Variants in DDX49 observed in about 807,000 individuals in gnomAD.
DDX49 encodes probable ATP-dependent RNA helicase DDX49.
A neutral mutation model predicts 56.3 loss-of-function variants in DDX49; 50 were observed. The observed-to-expected ratio is 0.89, with a 90% CI of 0.71 to 1.12. The LOEUF (loss-of-function observed/expected upper bound fraction) is 1.12, where lower values mean the gene tolerates loss of function less well. Among genes scored for constraint, DDX49 ranks in the 50% most tolerant of loss-of-function variants. DDX49 has a pLI of 0.00. For missense variants in DDX49, 614 were observed against 650.5 expected (o/e 0.94, Z 0.61); for synonymous variants, 269 against 270.6 (o/e 0.99, Z 0.06).
intron 2 of DDX49, 22 bp from the exon 3 acceptor site, chr19:18,921,641 C>T (rs1349593463): frequency 3.1e-6 from 5 of 1,612,362 alleles, no homozygotes; most frequent in Non-Finnish European, 4.2e-6. Context: ...CCTGACCCAG[C>T]CTGGCCCCTT....
Position 18,927,818 on chromosome 19 carries a change from C to T in DDX49, c.1155C>T (p.Leu385=), listed in dbSNP as rs1163920489. 6.2e-7 allele frequency: 1 copy of T among 1,613,876 alleles called. No homozygotes were observed. ...SVEEAEVLQI[L]TQVNVVRREC... ...AAGAGGCCGAGGTGCTACAGATCCT[C>T]ACACAGGTCAACGTGGTGCGAAGAG... Residue 385 remains leucine, a synonymous_variant, in exon 11 of 13, where the codon CTC becomes CTT. Transcript: ENST00000247003.
At position 18,921,644 on chromosome 19, in the gene DDX49, G is replaced by A; in HGVS notation, c.240-19G>A. 3.7e-6 allele frequency: 6 copies of A among 1,612,822 alleles called. No individual in the cohort carries two copies. The highest frequency in any genetic ancestry group is 4.2e-6 in the Non-Finnish European group (5 of 1,179,060). On this transcript the variant is annotated intron_variant, in intron 2 of 12. Coordinates refer to ENST00000247003, the MANE Select transcript of DDX49 (RefSeq NM_019070.5). ...CCAGAACCACTACCTGACCCAGCCTGGCCCCTTCACACCCACAGGGAGCTG... is the reference window on the plus strand; with the variant it reads ...CCAGAACCACTACCTGACCCAGCCTAGCCCCTTCACACCCACAGGGAGCTG...
rs1446396882 is a variant in DDX49, at chr19:18,924,952, C to G, written c.1000C>G (p.His334Asp). 6.2e-7 allele frequency: 1 copy of G among 1,612,202 alleles called. No individual in the cohort carries two copies. The highest frequency in any genetic ancestry group is 8.5e-7 in the Non-Finnish European group (1 of 1,179,984). The change falls in exon 9 of 13, where the codon CAC becomes GAC. Residue 334 changes from histidine to aspartate, a missense_variant. His to Asp is a moderately conservative substitution (Grantham distance 81). Transcript: ENST00000247003. Reference protein sequence around the residue: ...NTPGLPKIYIHRVGRTARAGR... With the variant: ...NTPGLPKIYIDRVGRTARAGR... ...CCCCGGGCTCCCCAAGATCTACATC[C>G]ACCGAGTCGGCCGGACGGCCCGTGC...
At chr19:18,926,416 G>A (rs2056961943) in intron 10 of DDX49, 39 bp downstream of exon 10, 4 of 1,373,360 alleles carry the variant, frequency 2.9e-6, no homozygotes, top group Non-Finnish European at 4.0e-6. Context: ...AAGGAGGGGT[G>A]GGGTGGGCAG....
chr19:18,920,835 G>A, intron 2 of DDX49, 132 bp downstream of exon 2: 1 of 955,456 alleles, frequency 1.0e-6, no homozygotes, highest in South Asian at 1.9e-5. Context: ...GCTTCTTAGG[G>A]GTCCTGCAGA....
chr19:18,924,413 G>A, intron 7 of DDX49, 105 bp downstream of exon 7: 2 of 1,175,734 alleles, frequency 1.7e-6, no homozygotes, highest in Non-Finnish European at 2.5e-6. Context: ...CCTGCCACCT[G>A]GTCTCTTCTG....
Position 18,924,942 on chromosome 19 carries a change from G to C in DDX49, c.990G>C (p.Lys330Asn). Residue 330 changes from lysine to asparagine, a missense_variant, in exon 9 of 13, where the codon AAG (lysine) becomes AAC (asparagine). Coordinates refer to ENST00000247003, the MANE Select transcript of DDX49 (RefSeq NM_019070.5). ...ACCACAACACCCCCGGGCTCCCCAAGATCTACATCCACCGAGTCGGCCGGA... is the reference window on the plus strand; with the variant it reads ...ACCACAACACCCCCGGGCTCCCCAACATCTACATCCACCGAGTCGGCCGGA... ...VINHNTPGLPKIYIHRVGRTA... is the reference protein window; with the variant it reads ...VINHNTPGLPNIYIHRVGRTA... The C allele has an allele frequency of 6.2e-7, 1 of 1,612,808 alleles. No homozygotes were observed. Among genetic ancestry groups the C allele is most frequent in the Non-Finnish European group, 8.5e-7 (1 of 1,180,008 alleles).
intron 10 of DDX49, 93 bp downstream of exon 10, chr19:18,926,470 A>C: frequency 8.2e-7 from 1 of 1,225,042 alleles, no homozygotes; most frequent in Non-Finnish European, 1.2e-6. Context: ...GTCAGACACC[A>C]GCCGGCCTGC....
chr19:18,928,061 G>A, intron 12 of DDX49, 25 bp downstream of exon 12: 1 of 1,613,594 alleles, frequency 6.2e-7, no homozygotes, highest in Non-Finnish European at 8.5e-7. Flanking sequence ...CGCAGGTAGG[G>A]GGTGGGTGGC....
chr19:18,923,563 C>T (rs928092191), intron 6 of DDX49, among the ~76,000 whole-genome samples: 4 of 152,090 alleles, frequency 2.6e-5, no homozygotes, highest in African/African-American at 9.7e-5. Flanking sequence ...GGCTGTCAGG[C>T]GTGGCAGGAT....
chr19:18,924,102 C>T (rs1179344502), intron 6 of DDX49, 131 bp from the exon 7 acceptor site: 3 of 870,426 alleles, frequency 3.4e-6, no homozygotes, highest in Non-Finnish European at 5.8e-6. Context: ...GCCACCGTGC[C>T]TGGCCTGCTG....
In DDX49 at chr19:18,924,133, T is replaced by C. The variant is rs904933999; in HGVS notation, c.777-100T>C. 14 of 1,156,982 alleles carry C rather than the reference T, an allele frequency of 1.2e-5. No homozygotes were observed. In the Middle Eastern group the frequency reaches 5.8e-4, roughly 48 times the overall value. 71.7% of individuals were successfully genotyped at this position (1,156,982 alleles called of 1,614,324 possible). A position where few individuals can be genotyped will look rare whatever the true frequency, so the allele number is the denominator to read the frequency against. ...TGCTGCCTCTCCTTTCTAAGCTGCA[T>C]GAGGCCACTGTGCTAGGTGTCTCAG... On this transcript the variant is annotated intron_variant, in intron 6 of 12. Coordinates refer to ENST00000247003, the MANE Select transcript of DDX49 (RefSeq NM_019070.5).
intron 9 of DDX49, 44 bp downstream of exon 9, chr19:18,925,023 C>G (rs2063393155): frequency 6.3e-7 from 1 of 1,587,244 alleles, no homozygotes; most frequent in Admixed American, 1.7e-5. Context: ...CTCTGTCCCT[C>G]CAGCCTGCCC....
Position 18,922,688 on chromosome 19 carries a change from G to C in DDX49, c.720G>C (p.Gln240His). 6.2e-7 allele frequency: 1 copy of C among 1,614,072 alleles called. No individual in the cohort carries two copies. ...VKDAYLVHLI[Q>H]RFQDEHEDWS... The stretch of plus-strand genomic sequence containing the variant: ...ACGCCTACCTGGTCCACCTGATCCA[G>C]CGCTTCCAGGATGAGCACGAGGACT... Residue 240 changes from glutamine (Q) to histidine (H), a missense_variant, in exon 6 of 13, where the codon CAG (glutamine) becomes CAC (histidine). Coordinates refer to ENST00000247003, the MANE Select transcript of DDX49 (RefSeq NM_019070.5).
Position 18,924,713 on chromosome 19 carries a change from A to G in DDX49, c.929+14A>G. Reference sequence around the variant, plus strand: ...CGTGGCCTCCCGGTGAGCAGCCCCCAGTCTCCTGCCAAGGGCACTCCCTCT... The same window carrying G: ...CGTGGCCTCCCGGTGAGCAGCCCCCGGTCTCCTGCCAAGGGCACTCCCTCT... On this transcript the variant is annotated intron_variant, in intron 8 of 12. Transcript: ENST00000247003. 1.9e-6 allele frequency: 3 copies of G among 1,614,156 alleles called. No individual in the cohort carries two copies. The highest frequency in any genetic ancestry group is 2.5e-6 in the Non-Finnish European group (3 of 1,179,996).
chr19:18,920,330 A>C (rs1039698916), intron 1 of DDX49, among the ~76,000 whole-genome samples: 1 of 152,220 alleles, frequency 6.6e-6, no homozygotes, highest in Non-Finnish European at 1.5e-5. Context: ...GTCAGGGATT[A>C]AATAAACAAA....
At position 18,924,325 on chromosome 19, in the gene DDX49, G is replaced by A. The variant is rs556766043; in HGVS notation, c.852+17G>A. On this transcript the variant is annotated intron_variant, in intron 7 of 12. Transcript: ENST00000247003. ...ATGAAGCAGGTGAGGCCACCCTGGGGCCCGCCAGCCTCACCCTGGGATACC... is the reference window on the plus strand; with the variant it reads ...ATGAAGCAGGTGAGGCCACCCTGGGACCCGCCAGCCTCACCCTGGGATACC... 2.1e-5 allele frequency: 33 copies of A among 1,587,266 alleles called. No individual in the cohort carries two copies. In the South Asian group the frequency reaches 2.1e-4, roughly 10 times the overall value.
At chr19:18,922,274 A>C (rs764006942) in intron 4 of DDX49, 52 bp from the exon 5 acceptor site, 1 of 1,577,444 alleles carries the variant, frequency 6.3e-7, no homozygotes, top group Non-Finnish European at 8.6e-7. Context: ...GGGGTGGCCA[A>C]GACCCGGGGC....
chr19:18,926,948 C>T (rs2056965895), intron 10 of DDX49, among the ~76,000 whole-genome samples: 1 of 151,732 alleles, frequency 6.6e-6, no homozygotes, highest in Non-Finnish European at 1.5e-5. Flanking sequence ...TGGCGCACGC[C>T]TGTAATTGCA....
Sources: gnomAD v4.1 joint callset for allele counts (sites outside exome capture counted in the v4.1 genomes callset) on GRCh38, gnomAD v4.1.1 for gene constraint, MANE v1.5 for transcripts, NCBI Gene and HGNC (gene_info 2026-07-23, HGNC 2026-07-21) for gene names.